The following SMARCA2 variants were observed in gnomAD, a reference collection of about 807,000 sequenced individuals.
SMARCA2 encodes the protein SWI/SNF related BAF chromatin remodeling complex subunit ATPase 2, also known as SWI/SNF-related matrix-associated actin-dependent regulator of chromatin subfamily A member 2.
A neutral mutation model predicts 199.8 loss-of-function variants in SMARCA2; 61 were observed. The ratio of observed to expected loss-of-function variants is 0.31; its 90% confidence interval spans 0.25 to 0.38. The LOEUF is 0.38. SMARCA2 is among the 10% of genes least tolerant of loss of function. The pLI is 1.00. For missense variants in SMARCA2, 1,344 were observed against 2,012.2 expected (o/e 0.67, Z 6.35); for synonymous variants, 935 against 732.0 (o/e 1.28, Z -4.48).
intron 9 of SMARCA2, among the ~76,000 whole-genome samples, chr9:2,062,539 T>C (rs535317269): frequency 6.6e-6 from 1 of 152,240 alleles, no homozygotes; most frequent in Non-Finnish European, 1.5e-5. Flanking sequence ...TGCCTATATT[T>C]TTGTGTTCAT....
intron 13 of SMARCA2, among the ~76,000 whole-genome samples, chr9:2,076,746 A>G (rs948948797): frequency 4.6e-5 from 7 of 151,786 alleles, no homozygotes; most frequent in Non-Finnish European, 1.0e-4. Context: ...CAAGTGAGAG[A>G]CACCATTCCT....
intron 27 of SMARCA2, among the ~76,000 whole-genome samples, chr9:2,149,543 CTCTTATAAAACTATCAAA>C (rs1824946799): frequency 6.6e-6 from 1 of 151,270 alleles, no homozygotes. Context: ...AAAAGGAAAC[CTCTTATAAAACTATCAAA>C]TCTTGTAAGA....
chr9:2,051,001 G>A (rs755220340), intron 5 of SMARCA2, among the ~76,000 whole-genome samples: 2 of 152,198 alleles, frequency 1.3e-5, no homozygotes, highest in South Asian at 2.1e-4. Context: ...CAGTTATGCA[G>A]TATTACATCT....
intron 33 of SMARCA2, 69 bp downstream of exon 33, chr9:2,191,477 C>T (rs748013006): frequency 6.5e-7 from 1 of 1,546,122 alleles, no homozygotes; most frequent in African/African-American, 1.4e-5. Context: ...CTTGCATTTC[C>T]ATGCCCCTTC....
intron 9 of SMARCA2, among the ~76,000 whole-genome samples, chr9:2,064,750 G>C (rs1233672856): frequency 6.6e-6 from 1 of 152,152 alleles, no homozygotes; most frequent in East Asian, 1.9e-4. Context: ...CTCCTACAAA[G>C]AGAATTTTCT....
chr9:2,115,752 G>C lies in SMARCA2; in HGVS notation c.3457-70G>C. 8.2e-7 allele frequency: 1 copy of C among 1,218,558 alleles called. No homozygotes were observed. The highest frequency in any genetic ancestry group is 2.5e-5 in the East Asian group (1 of 40,396). 75.5% of individuals were successfully genotyped at this position (1,218,558 alleles called of 1,614,324 possible). On this transcript the variant is annotated intron_variant, in intron 24 of 33. Coordinates refer to ENST00000349721, the MANE Select transcript of SMARCA2 (RefSeq NM_003070.5). This position sits in a 1 kb window ranked among gnomAD's most constrained non-coding sequence, Gnocchi z 6.0. ...CAGAACCCTTCCATATTTCCCTCTG[G>C]GGTGGGGTCCGGTTTTGGATGCCTA...
intron 19 of SMARCA2, 34 bp from the exon 20 acceptor site, chr9:2,096,623 T>A (rs1310657097): frequency 7.8e-6 from 11 of 1,409,920 alleles, no homozygotes; most frequent in Non-Finnish European, 1.1e-5. Flanking sequence ...TTCTCCTTCC[T>A]GCTCTTGCCT....
chr9:2,063,280 C>G (rs976147240), intron 9 of SMARCA2, among the ~76,000 whole-genome samples: 2 of 152,286 alleles, frequency 1.3e-5, no homozygotes, highest in African/African-American at 2.4e-5. Context: ...AGCGAATTAT[C>G]CAGTTCCAGA....
intron 3 of SMARCA2, among the ~76,000 whole-genome samples, chr9:2,036,751 T>C (rs550541548): frequency 6.6e-6 from 1 of 152,272 alleles, no homozygotes; most frequent in South Asian, 2.1e-4. Context: ...AAATTTGAGG[T>C]AGGAATTTTT....
intron 17 of SMARCA2, chr9:2,085,891 C>T (rs1310279567): frequency 3.3e-5 from 5 of 152,182 alleles, no homozygotes; most frequent in African/African-American, 1.2e-4. Context: ...GAACATTCCT[C>T]ATTGTTCTCA....
chr9:2,028,874 C>T (rs1818943545), intron 1 of SMARCA2, 113 bp from the exon 2 acceptor site: 3 of 856,478 alleles, frequency 3.5e-6, no homozygotes, highest in Non-Finnish European at 5.5e-6. Flanking sequence ...GACAGGGCAG[C>T]TCTGTTTGAT....
rs1259160452 is a variant in SMARCA2 at position 2,039,401 on chromosome 9, C to G, written c.356-65C>G. 1.3e-6 allele frequency: 2 copies of G among 1,482,164 alleles called. No individual in the cohort carries two copies. Among genetic ancestry groups the G allele is most frequent in the Non-Finnish European group, 1.8e-6 (2 of 1,086,050 alleles). The allele number at this position is 1,482,164 out of a possible 1,614,324, so 91.8% of individuals were successfully genotyped here. A position where few individuals can be genotyped will look rare whatever the true frequency, so the allele number is the denominator to read the frequency against. Reference sequence around the variant, plus strand: ...TGCTGTGGACAATTATTAGAGTATTCAGGGATATCTCTCTTTCAGGGTTGT... The same window carrying G: ...TGCTGTGGACAATTATTAGAGTATTGAGGGATATCTCTCTTTCAGGGTTGT... On this transcript the variant is annotated intron_variant, in intron 3 of 33. Coordinates refer to ENST00000349721, the MANE Select transcript of SMARCA2 (RefSeq NM_003070.5). The surrounding 1 kb of genome is among the most constrained non-coding windows in gnomAD (Gnocchi z 4.8).
rs139946572 is a variant in SMARCA2, at chr9:2,144,685, G to A, written c.3982-17001G>A. On this transcript the variant is annotated intron_variant, in intron 27 of 33. Coordinates refer to ENST00000349721, the MANE Select transcript of SMARCA2 (RefSeq NM_003070.5). ...GTCCACAAAAGAGCCCCGTCTCCAG[G>A]ATCAGTAAAATTAACAGCCTTCCTG... 7.9e-3 allele frequency among the ~76,000 whole-genome samples: 1,206 copies of A among 152,248 alleles called. 10 individuals carry two copies. The highest frequency in any genetic ancestry group is 0.028 in the African/African-American group (1,154 of 41,536).
chr9:2,067,224 C>A (rs566779508), intron 9 of SMARCA2, among the ~76,000 whole-genome samples: 1 of 152,334 alleles, frequency 6.6e-6, no homozygotes, highest in East Asian at 1.9e-4. Flanking sequence ...AATGTATTGG[C>A]ATCTATTTAT....
At chr9:2,191,203 C>T in intron 32 of SMARCA2, 63 bp from the exon 33 acceptor site, 1 of 1,504,126 alleles carries the variant, frequency 6.6e-7, no homozygotes, top group Non-Finnish European at 9.2e-7. Flanking sequence ...ATAGTCTTAC[C>T]ACCTATACAA....
At position 2,176,170 on chromosome 9, in the gene SMARCA2, C is replaced by T. The variant is rs192303665; in HGVS notation, c.4254-5401C>T. ...TGCTGGGATTACAGGCATGAGCCAC[C>T]GCGCCCGGCCTGTTTTTTTTTTTTT... is the stretch of plus-strand genomic sequence containing the variant. On this transcript the variant is annotated intron_variant, in intron 29 of 33. Transcript: ENST00000349721. Among the ~76,000 whole-genome samples, 807 of 138,826 alleles carry T rather than the reference C, an allele frequency of 5.8e-3. 7 individuals are homozygous for T. The highest frequency in any genetic ancestry group is 0.024 in the African/African-American group (742 of 31,210). 91.1% of individuals were successfully genotyped at this position (138,826 alleles called of 152,430 possible). A position where few individuals can be genotyped will look rare whatever the true frequency, so the allele number is the denominator to read the frequency against.
chr9:2,062,683 C>G (rs533728460), intron 9 of SMARCA2, among the ~76,000 whole-genome samples: 1 of 152,242 alleles, frequency 6.6e-6, no homozygotes, highest in South Asian at 2.1e-4. Flanking sequence ...TATGCTTGCA[C>G]TCAACATGTG....
chr9:2,153,291 C>G (rs1398707209), intron 27 of SMARCA2, among the ~76,000 whole-genome samples: 1 of 152,212 alleles, frequency 6.6e-6, no homozygotes, highest in African/African-American at 2.4e-5. Flanking sequence ...AATCCCAACA[C>G]TTTGGGAGGC....
Position 2,142,762 on chromosome 9 carries a change from T to C in SMARCA2, c.3981+18825T>C, listed in dbSNP as rs116864466. On this transcript the variant is annotated intron_variant, in intron 27 of 33. Coordinates refer to ENST00000349721, the MANE Select transcript of SMARCA2 (RefSeq NM_003070.5). ...CATTTTGCCCCATTTCTCTGGCTTA[T>C]TTTTATTCACTGTGTAGTTGTGTGG... 7.9e-5 allele frequency among the ~76,000 whole-genome samples: 12 copies of C among 152,336 alleles called. No individual in the cohort carries two copies. In the East Asian group the frequency reaches 2.3e-3, roughly 29 times the overall value.
Sources: allele counts gnomAD v4.1 joint callset (sites outside exome capture counted in the v4.1 genomes callset), GRCh38; gene constraint gnomAD v4.1.1; non-coding constraint Gnocchi (gnomAD v3.1); transcripts MANE v1.5; gene names NCBI Gene and HGNC (gene_info 2026-07-23, HGNC 2026-07-21).